BEND6: variants seen among roughly 807,000 people sequenced by gnomAD.
The protein encoded by BEND6 is BEN domain containing 6, also known as BEN domain-containing protein 6.
BEND6 carries 24 observed loss-of-function variants against 31.8 expected under a neutral mutation model. The ratio of observed to expected loss-of-function variants is 0.75; its 90% confidence interval spans 0.55 to 1.06. BEND6 has a LOEUF of 1.06. Among genes scored for constraint, BEND6 ranks in the 50% least tolerant of loss-of-function variants. The probability of loss-of-function intolerance (pLI) is 0.00; values close to 1 mark genes in which losing one functional copy is unlikely to be tolerated. For missense variants in BEND6, 294 were observed against 327.4 expected (o/e 0.90, Z 0.79); for synonymous variants, 109 against 114.6 (o/e 0.95, Z 0.31).
Position 57,007,365 on chromosome 6 carries a change from C to A in BEND6, c.299-7768C>A, listed in dbSNP as rs146239494. On this transcript the variant is annotated intron_variant, in intron 3 of 6. Transcript: ENST00000370746. ...ATGAAACTAGACCCCCACCTCTCGT[C>A]CTATGCAAAAATCAATTTGAAATGA... Among the ~76,000 whole-genome samples, 87 of 151,542 alleles carry A rather than the reference C, an allele frequency of 5.7e-4. 2 individuals carry two copies. Among genetic ancestry groups the A allele is most frequent in the African/African-American group, 2.0e-3 (84 of 41,350 alleles).
intron 1 of BEND6, among the ~76,000 whole-genome samples, chr6:56,957,682 C>A (rs1562531557): frequency 2.0e-5 from 3 of 152,112 alleles, no homozygotes; most frequent in Non-Finnish European, 2.9e-5. Context: ...TGGCCCAAAT[C>A]TTTCATACAA....
chr6:56,967,130 A>G (rs868487796), intron 1 of BEND6, among the ~76,000 whole-genome samples: 15 of 152,180 alleles, frequency 9.9e-5, no homozygotes, highest in Admixed American at 6.5e-4. Context: ...CTGGCAACAA[A>G]TAGACACACA....
chr6:56,980,869 A>G (rs1242985521), intron 1 of BEND6, among the ~76,000 whole-genome samples: 1 of 152,184 alleles, frequency 6.6e-6, no homozygotes, highest in Non-Finnish European at 1.5e-5. Flanking sequence ...TTTCATGAAA[A>G]CAAACCAATA....
intron 1 of BEND6, among the ~76,000 whole-genome samples, chr6:56,962,268 G>A (rs996183120): frequency 6.6e-6 from 1 of 152,124 alleles, no homozygotes; most frequent in Non-Finnish European, 1.5e-5. Flanking sequence ...TGTTTTAACA[G>A]CACAAAACAG....
intron 2 of BEND6, among the ~76,000 whole-genome samples, chr6:56,989,437 G>C (rs889661639): frequency 2.0e-5 from 3 of 152,118 alleles, no homozygotes; most frequent in Admixed American, 6.6e-5. Flanking sequence ...GAAAGTCTTA[G>C]ACTACAAATA....
intron 6 of BEND6, among the ~76,000 whole-genome samples, chr6:57,025,159 T>C (rs1489320520): frequency 6.6e-6 from 1 of 152,210 alleles, no homozygotes; most frequent in Non-Finnish European, 1.5e-5. Context: ...AAAACTGCTA[T>C]TTTGAATTCT....
chr6:57,015,665 C>T (rs1473455627), intron 4 of BEND6, among the ~76,000 whole-genome samples: 2 of 151,006 alleles, frequency 1.3e-5, no homozygotes, highest in East Asian at 1.9e-4. Flanking sequence ...ATTAACCGGA[C>T]GTGATGACGG....
At chr6:57,017,499 A>C (rs1250486353) in intron 5 of BEND6, 100 bp downstream of exon 5, 1 of 1,013,088 alleles carries the variant, frequency 9.9e-7, no homozygotes, top group Non-Finnish European at 1.3e-6. Context: ...TTTAAAGTTT[A>C]TTTTTCTGGG....
intron 3 of BEND6, among the ~76,000 whole-genome samples, chr6:57,014,279 G>A (rs542137739): frequency 2.8e-4 from 43 of 152,200 alleles, no homozygotes; most frequent in East Asian, 7.7e-4. Flanking sequence ...CAGATATACC[G>A]ATTTGCACAT....
At chr6:56,992,577 A>G in intron 3 of BEND6, 22 bp downstream of exon 3, 1 of 1,594,814 alleles carries the variant, frequency 6.3e-7, no homozygotes, top group Non-Finnish European at 8.5e-7. Flanking sequence ...GAAAATTGAC[A>G]TTTTAGATAA....
chr6:56,977,386 C>A (rs983086903), intron 1 of BEND6, among the ~76,000 whole-genome samples: 19 of 151,898 alleles, frequency 1.3e-4, no homozygotes, highest in African/African-American at 3.9e-4. Context: ...TGAAAAAAAA[C>A]TGTGGGCAAA....
At chr6:56,960,459 AT>A (rs1471342729) in intron 1 of BEND6, among the ~76,000 whole-genome samples, 4 of 152,206 alleles carry the variant, frequency 2.6e-5, no homozygotes, top group Non-Finnish European at 4.4e-5. Flanking sequence ...TAGGAGCTTT[AT>A]TATTGCATAG....
At chr6:57,022,153 T>A (rs1440428961) in intron 6 of BEND6, among the ~76,000 whole-genome samples, 3 of 117,048 alleles carry the variant, frequency 2.6e-5, no homozygotes, top group African/African-American at 8.3e-5. Flanking sequence ...AATTTTTCTT[T>A]TTTTCTTTTT....
intron 3 of BEND6, among the ~76,000 whole-genome samples, chr6:57,013,433 T>C (rs1171211227): frequency 6.6e-6 from 1 of 152,160 alleles, no homozygotes; most frequent in Non-Finnish European, 1.5e-5. Context: ...TCACCAGAGC[T>C]CTACTGTCCA....
rs780122920 is a variant in BEND6 at position 57,017,350 on chromosome 6, C to A, written c.663C>A (p.Asp221Glu). The A allele has an allele frequency of 1.4e-6, 2 of 1,404,614 alleles. No individual in the cohort carries two copies. The highest frequency in any genetic ancestry group is 3.8e-5 in the South Asian group (2 of 52,416). The allele number at this position is 1,404,614 out of a possible 1,614,324, so 87.0% of individuals were successfully genotyped here. ...LTGAKSSTSR[D>E]KAVKPAMNQN... ...GGGCAAAATCCTCTACTTCAAGGGA[C>A]AAAGCTGTAAAACCAGCTATGAATC... Residue 221 changes from aspartate to glutamate, a missense_variant, in exon 5 of 7, where the codon GAC becomes GAA. By Grantham distance (45) the Asp-to-Glu change is conservative. Transcript: ENST00000370746.
At chr6:57,007,046 T>C (rs1403336626) in intron 3 of BEND6, among the ~76,000 whole-genome samples, 1 of 152,108 alleles carries the variant, frequency 6.6e-6, no homozygotes, top group East Asian at 1.9e-4. Context: ...TCCTAACACT[T>C]TGGGGGGCCG....
chr6:56,990,526 C>T (rs1299542587), intron 2 of BEND6, among the ~76,000 whole-genome samples: 1 of 152,112 alleles, frequency 6.6e-6, no homozygotes, highest in East Asian at 1.9e-4. Context: ...GGATTACAGG[C>T]ATGAGCCACC....
chr6:57,011,863 C>T (rs899943195), intron 3 of BEND6, among the ~76,000 whole-genome samples: 3 of 151,986 alleles, frequency 2.0e-5, no homozygotes, highest in South Asian at 2.1e-4. Context: ...TGGTGGCTCA[C>T]GCCTGTAATC....
At chr6:57,006,687 C>A (rs1168879596) in intron 3 of BEND6, among the ~76,000 whole-genome samples, 1 of 152,132 alleles carries the variant, frequency 6.6e-6, no homozygotes, top group Non-Finnish European at 1.5e-5. Flanking sequence ...AGATTGAATG[C>A]AATTCCTATC....
Sources: allele counts gnomAD v4.1 joint callset (sites outside exome capture counted in the v4.1 genomes callset), GRCh38; gene constraint gnomAD v4.1.1; transcripts MANE v1.5; gene names NCBI Gene and HGNC (gene_info 2026-07-23, HGNC 2026-07-21).